KCNN3: variants seen among roughly 807,000 people sequenced by gnomAD.
The protein encoded by KCNN3 is small conductance calcium-activated potassium channel protein 3.
KCNN3 carries 16 observed loss-of-function variants against 62.9 expected under a neutral mutation model. The ratio of observed to expected loss-of-function variants is 0.25; its 90% CI spans 0.17 to 0.39. The LOEUF (loss-of-function observed/expected upper bound fraction) is 0.39, where lower values mean the gene tolerates loss of function less well. Among genes scored for constraint, KCNN3 ranks in the 10% least tolerant of loss-of-function variants. The probability of loss-of-function intolerance (pLI) is 1.00; values close to 1 mark genes in which losing one functional copy is unlikely to be tolerated. For synonymous variants in KCNN3, 370 were observed against 389.2 expected, an observed-to-expected ratio of 0.95 and a Z score of 0.58; for missense variants, 599 against 949.4, an observed-to-expected ratio of 0.63 and a Z score of 4.85.
At chr1:154,733,754 G>A (rs1489899854) in intron 3 of KCNN3, among the ~76,000 whole-genome samples, 1 of 152,112 alleles carries the variant, frequency 6.6e-6, no homozygotes, top group Non-Finnish European at 1.5e-5. Context: ...CGCCCTGGGA[G>A]GAACCAACTG....
chr1:154,728,926 C>T (rs772380373), intron 4 of KCNN3, among the ~76,000 whole-genome samples: 2 of 152,140 alleles, frequency 1.3e-5, no homozygotes, highest in Non-Finnish European at 2.9e-5. Context: ...GGGATCCCAC[C>T]CTGCTGTGTC....
In KCNN3 at chr1:154,833,658, C is replaced by T. The variant is rs570348441; in HGVS notation, c.934-11474G>A. On this transcript the variant is annotated intron_variant, in intron 1 of 7. Coordinates refer to ENST00000271915, the MANE Select transcript of KCNN3 (RefSeq NM_002249.6). ...CCAGTAACAGAAAGGGCTGATAATG[C>T]CCTAAGCCTTCCAAGGGTGGGGCTG... 1.4e-3 allele frequency among the ~76,000 whole-genome samples: 216 copies of T among 152,330 alleles called. 2 individuals carry two copies. Among genetic ancestry groups the T allele is most frequent in the African/African-American group, 4.8e-3 (201 of 41,578 alleles).
At chr1:154,852,190 C>T (rs1468019550) in intron 1 of KCNN3, among the ~76,000 whole-genome samples, 5 of 150,386 alleles carry the variant, frequency 3.3e-5, no homozygotes, top group African/African-American at 1.2e-4. Flanking sequence ...TTTTCAACAA[C>T]TTGAGTGTGT....
At position 154,707,937 on chromosome 1, in the gene KCNN3, A is replaced by G. The variant is rs1444719147; in HGVS notation, c.*39T>C. On this transcript the variant is annotated 3_prime_UTR_variant, in exon 8 of 8. Coordinates refer to ENST00000271915, the MANE Select transcript of KCNN3 (RefSeq NM_002249.6). Reference sequence around the variant, plus strand: ...CCAGGAGAGAGTTGATTTGCATCTTAAGACCTATGGGTAATGCTTCTGGAG... The same window carrying G: ...CCAGGAGAGAGTTGATTTGCATCTTGAGACCTATGGGTAATGCTTCTGGAG... The G allele has an allele frequency of 6.3e-7, 1 of 1,597,418 alleles. No individual in the cohort carries two copies. Among genetic ancestry groups the G allele is most frequent in the African/African-American group, 1.3e-5 (1 of 74,522 alleles).
At chr1:154,819,163 T>C (rs1650789864) in intron 2 of KCNN3, among the ~76,000 whole-genome samples, 1 of 152,162 alleles carries the variant, frequency 6.6e-6, no homozygotes, top group South Asian at 2.1e-4. Flanking sequence ...CATAACTTCA[T>C]CAGTCACACT....
At chr1:154,837,942 C>A (rs1226135152) in intron 1 of KCNN3, among the ~76,000 whole-genome samples, 1 of 152,126 alleles carries the variant, frequency 6.6e-6, no homozygotes, top group African/African-American at 2.4e-5. Context: ...CTGAGGTCAG[C>A]GGGGAGGAAG....
chr1:154,864,587 G>T (rs892965342), intron 1 of KCNN3, among the ~76,000 whole-genome samples: 2 of 152,248 alleles, frequency 1.3e-5, no homozygotes, highest in Non-Finnish European at 2.9e-5. Flanking sequence ...AGGCTCCCCT[G>T]GGCATACGGA....
At chr1:154,736,986 C>T (rs1700724334) in intron 3 of KCNN3, 1 of 700,130 alleles carries the variant, frequency 1.4e-6, no homozygotes. Context: ...TGGACATGCA[C>T]CCTGCTCTCC....
intron 5 of KCNN3, among the ~76,000 whole-genome samples, chr1:154,718,338 A>G (rs1276623244): frequency 6.6e-6 from 1 of 152,246 alleles, no homozygotes; most frequent in Non-Finnish European, 1.5e-5. Flanking sequence ...ACTTTAGGAA[A>G]GGCTCTAAGA....
intron 2 of KCNN3, among the ~76,000 whole-genome samples, chr1:154,786,570 T>A (rs903179745): frequency 6.6e-6 from 1 of 152,232 alleles, no homozygotes. Flanking sequence ...GTGTGATTCC[T>A]CTTTTTTAAA....
chr1:154,827,606 C>T (rs1178723999), intron 1 of KCNN3, among the ~76,000 whole-genome samples: 2 of 152,124 alleles, frequency 1.3e-5, no homozygotes, highest in Non-Finnish European at 2.9e-5. Context: ...CAAGACCGGC[C>T]TGGCCATCAT....
intron 5 of KCNN3, among the ~76,000 whole-genome samples, chr1:154,723,118 G>A (rs1700392129): frequency 6.6e-6 from 1 of 152,150 alleles, no homozygotes; most frequent in Admixed American, 6.6e-5. Flanking sequence ...CATCCCCAGG[G>A]GAAGAGAGGT....
intron 2 of KCNN3, among the ~76,000 whole-genome samples, chr1:154,787,777 C>T (rs976548329): frequency 2.6e-5 from 4 of 152,186 alleles, no homozygotes; most frequent in South Asian, 2.1e-4. Flanking sequence ...CTTCTAAACC[C>T]CCGTTTGGAT....
intron 3 of KCNN3, among the ~76,000 whole-genome samples, chr1:154,750,516 C>T (rs963030046): frequency 3.9e-5 from 6 of 152,138 alleles, no homozygotes; most frequent in African/African-American, 7.2e-5. Context: ...AAACCCCCTT[C>T]GCATCAACTC....
At chr1:154,762,104 C>G (rs771789762) in intron 3 of KCNN3, among the ~76,000 whole-genome samples, 33 of 152,140 alleles carry the variant, frequency 2.2e-4, no homozygotes, top group Non-Finnish European at 4.6e-4. Flanking sequence ...TCATTCTTTT[C>G]TATTATAAAC....
intron 1 of KCNN3, among the ~76,000 whole-genome samples, chr1:154,839,649 G>A (rs1302647440): frequency 1.3e-5 from 2 of 152,160 alleles, no homozygotes; most frequent in Admixed American, 6.5e-5. Flanking sequence ...TCAGACCCCC[G>A]CTCAGCTCTC....
chr1:154,705,317 A>C lies in KCNN3; in HGVS notation c.*2659T>G, dbSNP rs1168049130. The C allele has an allele frequency of 6.6e-6, 1 of 152,174 alleles. No homozygotes were observed. Among genetic ancestry groups the C allele is most frequent in the Non-Finnish European group, 1.5e-5 (1 of 68,016 alleles). 9.4% of individuals were successfully genotyped at this position (152,174 alleles called of 1,614,324 possible). The stretch of plus-strand genomic sequence containing the variant: ...GGAGAACGGGTAACTTTCCCACATA[A>C]AGCTGAAATGCTAGTACAGAGAAAT... On this transcript the variant is annotated 3_prime_UTR_variant, in exon 8 of 8. Coordinates refer to ENST00000271915, the MANE Select transcript of KCNN3 (RefSeq NM_002249.6).
chr1:154,726,503 C>T (rs912942983), intron 4 of KCNN3, among the ~76,000 whole-genome samples: 3 of 152,216 alleles, frequency 2.0e-5, no homozygotes, highest in Non-Finnish European at 4.4e-5. Context: ...GATGGAACAC[C>T]TGCCAGTGGC....
chr1:154,868,246 T>C (rs1207087045), intron 1 of KCNN3: 112 of 985,438 alleles, frequency 1.1e-4, no homozygotes, highest in Non-Finnish European at 1.3e-4. Flanking sequence ...CCAGCTGCTC[T>C]GCCCAGGTAA....
Sources: gnomAD v4.1 joint callset for allele counts (sites outside exome capture counted in the v4.1 genomes callset) on GRCh38, gnomAD v4.1.1 for gene constraint, MANE v1.5 for transcripts, NCBI Gene and HGNC (gene_info 2026-07-23, HGNC 2026-07-21) for gene names.